The following CCDC38 variants were observed in gnomAD, a reference collection of about 807,000 sequenced individuals.
CCDC38 encodes the protein coiled-coil domain-containing protein 38.
In CCDC38, 69 loss-of-function variants were observed where a neutral mutation model predicts 72.8. That is an observed-to-expected ratio of 0.95 (90% CI 0.78 to 1.16). The LOEUF (loss-of-function observed/expected upper bound fraction) is 1.16. CCDC38 is among the 50% of genes most tolerant of loss of function. The pLI, the probability that CCDC38 is intolerant of heterozygous loss-of-function variation, is 0.00. For synonymous variants in CCDC38, 201 were observed against 213.2 expected, an observed-to-expected ratio of 0.94 and a Z score of 0.50; for missense variants, 626 against 638.9, an observed-to-expected ratio of 0.98 and a Z score of 0.22.
At chr12:95,936,034 C>T (rs922865549) in intron 2 of CCDC38, among the ~76,000 whole-genome samples, 9 of 151,808 alleles carry the variant, frequency 5.9e-5, no homozygotes, top group Admixed American at 5.3e-4. Context: ...ACCAAGATTG[C>T]GCCAATGCAC....
chr12:95,940,811 G>A (rs558580313), intron 1 of CCDC38, among the ~76,000 whole-genome samples: 26 of 152,038 alleles, frequency 1.7e-4, no homozygotes, highest in Non-Finnish European at 3.1e-4. Flanking sequence ...CACTGCTGGC[G>A]TCAGGCTATT....
At position 95,878,410 on chromosome 12, in the gene CCDC38, A is replaced by G. The variant is rs894215553; in HGVS notation, c.1143-64T>C. 3.3e-6 allele frequency: 5 copies of G among 1,514,398 alleles called. No individual in the cohort carries two copies. In the African/African-American group the frequency reaches 7.0e-5, roughly 21 times the overall value. 93.8% of individuals were successfully genotyped at this position (1,514,398 alleles called of 1,614,324 possible). A position where few individuals can be genotyped will look rare whatever the true frequency, so the allele number is the denominator to read the frequency against. The stretch of plus-strand genomic sequence containing the variant: ...GTGGTTAGTGAAATAACCATCAGTC[A>G]GGAGCTTTAACACTCTAGATCATGT... On this transcript the variant is annotated intron_variant, in intron 12 of 15. Coordinates refer to ENST00000344280, the MANE Select transcript of CCDC38 (RefSeq NM_182496.3).
chr12:95,895,241 G>A, intron 7 of CCDC38, 95 bp from the exon 8 acceptor site: 1 of 731,976 alleles, frequency 1.4e-6, no homozygotes. Context: ...CTTATGTACT[G>A]AATTAATAAT....
chr12:95,895,528 G>A (rs1359546642), intron 7 of CCDC38, among the ~76,000 whole-genome samples: 3 of 152,094 alleles, frequency 2.0e-5, no homozygotes, highest in African/African-American at 7.2e-5. Context: ...AAGGCAGGCA[G>A]ATCACCTGAG....
chr12:95,930,279 G>C (rs1049344369), intron 2 of CCDC38, among the ~76,000 whole-genome samples: 3 of 151,882 alleles, frequency 2.0e-5, no homozygotes, highest in African/African-American at 7.2e-5. Context: ...CCACAAACAG[G>C]GTGGCTTAAA....
Position 95,898,451 on chromosome 12 carries a change from G to C in CCDC38, c.548C>G (p.Thr183Arg), listed in dbSNP as rs1451186241. ...VDALKMAAQE[T>R]INKLQMTAEL... ...TGCTGTCATTTGGAGTTTGTTTATT[G>C]TTTCCTGTGCTGCCCTGAAAAGCAA... The change falls in exon 7 of 16, where the codon ACA (threonine) becomes AGA (arginine). Residue 183 changes from threonine to arginine, a missense_variant. Coordinates refer to ENST00000344280, the MANE Select transcript of CCDC38 (RefSeq NM_182496.3). The C allele has an allele frequency of 6.2e-7, 1 of 1,613,940 alleles. No individual in the cohort carries two copies. The highest frequency in any genetic ancestry group is 8.5e-7 in the Non-Finnish European group (1 of 1,180,020).
intron 14 of CCDC38, among the ~76,000 whole-genome samples, chr12:95,871,527 T>C (rs1016844182): frequency 1.3e-5 from 2 of 152,096 alleles, no homozygotes; most frequent in African/African-American, 4.8e-5. Context: ...GTATGGAAAT[T>C]TGTAAGTGAA....
chr12:95,890,826 C>T lies in CCDC38; in HGVS notation c.871+6G>A, dbSNP rs778568140. On this transcript the variant is annotated splice_donor_region_variant and intron_variant, in intron 9 of 15. Transcript: ENST00000344280. ...TTACTTTCATGAGTCCCAAATCTACCTTTACCTTGGCTGTCTCTTCCCTGA... is the reference window on the plus strand; with the variant it reads ...TTACTTTCATGAGTCCCAAATCTACTTTTACCTTGGCTGTCTCTTCCCTGA... The T allele has an allele frequency of 1.6e-5, 25 of 1,570,944 alleles. No individual in the cohort carries two copies. The highest frequency in any genetic ancestry group is 2.1e-5 in the Non-Finnish European group (24 of 1,143,800).
intron 2 of CCDC38, among the ~76,000 whole-genome samples, chr12:95,924,810 TG>T (rs2080250751): frequency 6.9e-6 from 1 of 145,222 alleles, no homozygotes; most frequent in Non-Finnish European, 1.5e-5. Context: ...CTTTCCCCAT[TG>T]CTTGTTTTTC....
At chr12:95,933,138 G>C (rs2080355609) in intron 2 of CCDC38, 1 of 152,082 alleles carries the variant, frequency 6.6e-6, no homozygotes, top group Non-Finnish European at 1.5e-5. Flanking sequence ...CTTTGCTAGG[G>C]AAAGATTTCT....
intron 2 of CCDC38, among the ~76,000 whole-genome samples, chr12:95,924,383 TG>T (rs1471114098): frequency 1.4e-5 from 2 of 145,938 alleles, no homozygotes; most frequent in Non-Finnish European, 3.0e-5. Flanking sequence ...CACTTTTTGA[TG>T]GGGTTGTTTT....
chr12:95,901,038 G>A (rs762491480), intron 5 of CCDC38, among the ~76,000 whole-genome samples: 1 of 152,162 alleles, frequency 6.6e-6, no homozygotes, highest in Non-Finnish European at 1.5e-5. Flanking sequence ...CAGACAGACT[G>A]CAGGGGAGCA....
chr12:95,912,060 T>C (rs2080100463), intron 4 of CCDC38, among the ~76,000 whole-genome samples: 1 of 152,244 alleles, frequency 6.6e-6, no homozygotes, highest in Admixed American at 6.5e-5. Context: ...TAATGTCCTT[T>C]GCAGCAACAT....
At chr12:95,942,100 T>A (rs2136752831) in intron 1 of CCDC38, among the ~76,000 whole-genome samples, 1 of 152,290 alleles carries the variant, frequency 6.6e-6, no homozygotes, top group Admixed American at 6.5e-5. Context: ...ATATTATTTG[T>A]GTCCACATCT....
At chr12:95,919,071 G>C (rs1350374080) in intron 2 of CCDC38, 95 bp from the exon 3 acceptor site, 9 of 749,840 alleles carry the variant, frequency 1.2e-5, no homozygotes, top group Admixed American at 2.4e-5. Context: ...GGAATGAATG[G>C]GATGCAGGGA....
intron 2 of CCDC38, among the ~76,000 whole-genome samples, chr12:95,929,165 A>C (rs949377769): frequency 2.6e-5 from 4 of 152,180 alleles, no homozygotes. Context: ...GTTTGATCTC[A>C]GACTGCCGTG....
chr12:95,919,607 C>T (rs572495601), intron 2 of CCDC38: 74 of 456,002 alleles, frequency 1.6e-4, no homozygotes, highest in South Asian at 9.6e-4. Context: ...CCCACAGCAC[C>T]GACATAGCTC....
At chr12:95,931,015 A>G (rs1158630022) in intron 2 of CCDC38, among the ~76,000 whole-genome samples, 1 of 152,186 alleles carries the variant, frequency 6.6e-6, no homozygotes, top group African/African-American at 2.4e-5. Flanking sequence ...GCCTCACTGT[A>G]TTAGTTTCCT....
intron 9 of CCDC38, chr12:95,889,033 CTTTTTTTTTTT>C (rs63374760): frequency 2.4e-5 from 2 of 84,824 alleles, no homozygotes; most frequent in Non-Finnish European, 4.2e-5. Flanking sequence ...ATTGTCTCAG[CTTTTTTTTTTT>C]TTTTTTTTTT....
Sources: gnomAD v4.1 joint callset for allele counts (sites outside exome capture counted in the v4.1 genomes callset) on GRCh38, gnomAD v4.1.1 for gene constraint, MANE v1.5 for transcripts, NCBI Gene and HGNC (gene_info 2026-07-23, HGNC 2026-07-21) for gene names.